KIF1B: variants seen among roughly 807,000 people sequenced by gnomAD.
KIF1B encodes the protein kinesin family member 1B, also known as kinesin-like protein KIF1B.
KIF1B carries 76 observed loss-of-function variants against 241.9 expected under a neutral mutation model. The ratio of observed to expected loss-of-function variants is 0.31; its 90% confidence interval spans 0.26 to 0.38. KIF1B has a LOEUF of 0.38. Ranked by LOEUF, KIF1B falls within the 10% of genes least tolerant of loss-of-function variation. The pLI, the probability that KIF1B is intolerant of heterozygous loss-of-function variation, is 1.00. For missense variants in KIF1B, 1,622 were observed against 2,271.4 expected, an observed-to-expected ratio of 0.71 and a Z score of 5.81; for synonymous variants, 750 against 796.7, an observed-to-expected ratio of 0.94 and a Z score of 0.99.
intron 4 of KIF1B, among the ~76,000 whole-genome samples, chr1:10,259,081 G>A (rs376063330): frequency 6.6e-6 from 1 of 150,706 alleles, no homozygotes; most frequent in Non-Finnish European, 1.5e-5. Flanking sequence ...AGCCTTATTC[G>A]GAGATACTTT....
intron 1 of KIF1B, among the ~76,000 whole-genome samples, chr1:10,214,578 G>A (rs957037422): frequency 8.2e-5 from 12 of 145,888 alleles, no homozygotes; most frequent in African/African-American, 2.3e-4. Flanking sequence ...ATGAGCCACC[G>A]TGCCCTGCCC....
chr1:10,259,393 A>T lies in KIF1B; in HGVS notation c.363+721A>T, dbSNP rs190849368. On this transcript the variant is annotated intron_variant, in intron 4 of 48. Transcript: ENST00000676179. ...GCAGTGGTGTGATCTTGGCTCACTG[A>T]GGCCTTGTCCTCCCAGGCTCAAGTG... Among the ~76,000 whole-genome samples the T allele has an allele frequency of 5.3e-5, 8 of 151,148 alleles. No individual in the cohort carries two copies. In the East Asian group the frequency reaches 1.6e-3, roughly 30 times the overall value.
chr1:10,238,255 C>T (rs960827617), intron 2 of KIF1B, among the ~76,000 whole-genome samples: 6 of 150,564 alleles, frequency 4.0e-5, no homozygotes, highest in Non-Finnish European at 8.9e-5. Context: ...GTGGTGGGCA[C>T]CTGTAATCCC....
intron 27 of KIF1B, among the ~76,000 whole-genome samples, chr1:10,329,057 T>G (rs1382390084): frequency 6.6e-6 from 1 of 152,258 alleles, no homozygotes; most frequent in Non-Finnish European, 1.5e-5. Context: ...TTTTATAGTT[T>G]TCTTTCTTTT....
intron 14 of KIF1B, among the ~76,000 whole-genome samples, chr1:10,281,262 TA>T (rs949981420): frequency 6.6e-6 from 1 of 152,208 alleles, no homozygotes; most frequent in Non-Finnish European, 1.5e-5. Flanking sequence ...GGTTTAAAAA[TA>T]AGCTAATTTT....
chr1:10,372,101 G>A lies in KIF1B; in HGVS notation c.4946+839G>A, dbSNP rs568879563. 7.9e-5 allele frequency among the ~76,000 whole-genome samples: 12 copies of A among 152,246 alleles called. No homozygotes were observed. The East Asian group carries it at 2.3e-3, about 29-fold the overall frequency. ...AACACTGACACAGGCAAAGGTGGCT[G>A]GAGAAAATAACACAACCAGGTAATT... is the stretch of plus-strand genomic sequence containing the variant. On this transcript the variant is annotated intron_variant, in intron 45 of 48. Transcript: ENST00000676179.
chr1:10,225,828 G>A (rs1188535686), intron 1 of KIF1B, among the ~76,000 whole-genome samples: 2 of 152,104 alleles, frequency 1.3e-5, no homozygotes, highest in Admixed American at 1.3e-4. Flanking sequence ...ATGCCATTGT[G>A]GGGAGTTCAG....
intron 2 of KIF1B, among the ~76,000 whole-genome samples, chr1:10,241,232 C>T (rs1647132808): frequency 6.6e-6 from 1 of 151,934 alleles, no homozygotes; most frequent in Non-Finnish European, 1.5e-5. Context: ...CTACCTCACT[C>T]CCCTAGTAGC....
chr1:10,314,211 G>A (rs1024393517), intron 22 of KIF1B, among the ~76,000 whole-genome samples: 3 of 151,330 alleles, frequency 2.0e-5, no homozygotes, highest in African/African-American at 4.9e-5. Context: ...TGTGCCTTCC[G>A]TAATTAGTTT....
At position 10,303,740 on chromosome 1, in the gene KIF1B, T is replaced by C; in HGVS notation, c.2115+6494T>C. ...ATAAAAGTCTTAAGAAATAAAATGC[T>C]CAAAATGGAAAAAGTCTTGCCACTG... On this transcript the variant is annotated intron_variant, in intron 22 of 48. Coordinates refer to ENST00000676179, the MANE Select transcript of KIF1B (RefSeq NM_001365951.3). This position sits in a 1 kb window ranked among gnomAD's most constrained non-coding sequence, Gnocchi z 5.2. 1 of 1,614,106 alleles carries C rather than the reference T, an allele frequency of 6.2e-7. No homozygotes were observed. Among genetic ancestry groups the C allele is most frequent in the Non-Finnish European group, 8.5e-7 (1 of 1,180,024 alleles).
intron 2 of KIF1B, 75 bp downstream of exon 2, chr1:10,232,509 A>C (rs898882052): frequency 5.8e-6 from 6 of 1,039,494 alleles, no homozygotes; most frequent in African/African-American, 1.6e-5. Context: ...TGCTGTGTTC[A>C]GAATAGATGA....
chr1:10,349,044 A>T (rs1652693677), intron 37 of KIF1B, among the ~76,000 whole-genome samples: 1 of 152,196 alleles, frequency 6.6e-6, no homozygotes, highest in Non-Finnish European at 1.5e-5. Flanking sequence ...GAAACTCTGT[A>T]TTCCTGTTTC....
rs1250629834 is a variant in KIF1B at position 10,282,591 on chromosome 1, T to C, written c.1434+58T>C. ...TCTATGTAGCTCCACAAGGAAGAAC[T>C]AGGAGTAAAAATCACTAAGATTTCG... On this transcript the variant is annotated intron_variant, in intron 15 of 48. Transcript: ENST00000676179. 7.1e-6 allele frequency: 10 copies of C among 1,404,366 alleles called. No homozygotes were observed. The Admixed American group carries it at 8.4e-5, about 12-fold the overall frequency. The allele number at this position is 1,404,366 out of a possible 1,614,324, so 87.0% of individuals were successfully genotyped here.
intron 2 of KIF1B, among the ~76,000 whole-genome samples, chr1:10,254,145 A>C (rs1360731053): frequency 1.3e-5 from 2 of 152,238 alleles, no homozygotes; most frequent in Non-Finnish European, 2.9e-5. Context: ...TGTGTGTATG[A>C]GTGAGGGAGA....
At chr1:10,372,594 G>GC (rs1307799085) in intron 45 of KIF1B, among the ~76,000 whole-genome samples, 26 of 146,820 alleles carry the variant, frequency 1.8e-4, no homozygotes, top group Non-Finnish European at 2.7e-4. Context: ...AGGAAGATTG[G>GC]TTGAACCTGG....
Position 10,365,485 on chromosome 1 carries a change from T to C in KIF1B, c.4589T>C (p.Leu1530Ser). The C allele has an allele frequency of 6.2e-7, 1 of 1,614,174 alleles. No individual in the cohort carries two copies. ...ATCCCCAAATCCCTGAGCGACTCGT[T>C]ATCCCCCAGCCTCAGCAGTGGGACC... ...DSIPKSLSDSLSPSLSSGTLS... is the reference protein window; with the variant it reads ...DSIPKSLSDSSSPSLSSGTLS... The change falls in exon 43 of 49, where the codon TTA (leucine) becomes TCA (serine). Residue 1530 changes from leucine (L) to serine (S), a missense_variant. By Grantham distance (145) the Leu-to-Ser change is moderately radical (BLOSUM62 -2). This residue lies in a region of KIF1B where 357 missense variants were observed against 409.0 expected (regional missense o/e 0.87). Coordinates refer to ENST00000676179, the MANE Select transcript of KIF1B (RefSeq NM_001365951.3). The surrounding 1 kb of genome is among the most constrained non-coding windows in gnomAD (Gnocchi z 4.0).
rs1051755896 is a variant in KIF1B at position 10,365,709 on chromosome 1, G to A, written c.4752+61G>A. 1.5e-5 allele frequency: 24 copies of A among 1,607,780 alleles called. No homozygotes were observed. Among genetic ancestry groups the A allele is most frequent in the African/African-American group, 1.1e-4 (8 of 74,814 alleles). On this transcript the variant is annotated intron_variant, in intron 43 of 48. Coordinates refer to ENST00000676179, the MANE Select transcript of KIF1B (RefSeq NM_001365951.3). The surrounding 1 kb of genome is among the most constrained non-coding windows in gnomAD (Gnocchi z 4.0). Reference sequence around the variant, plus strand: ...ACAAGGCTCCACAAACTAGCCTCTCGGTTTATTCATTTTCAACACCTTTGT... The same window carrying A: ...ACAAGGCTCCACAAACTAGCCTCTCAGTTTATTCATTTTCAACACCTTTGT...
At chr1:10,296,496 C>G in intron 19 of KIF1B, 86 bp from the exon 20 acceptor site, 5 of 1,100,516 alleles carry the variant, frequency 4.5e-6, no homozygotes, top group Non-Finnish European at 6.8e-6. Flanking sequence ...ATTCTACTTA[C>G]TGCAAATCCT....
chr1:10,374,299 ATCTC>A lies in KIF1B; in HGVS notation c.4947-13_4947-10del, dbSNP rs1191986983. 2.5e-6 allele frequency: 4 copies of A among 1,612,448 alleles called. No individual in the cohort carries two copies. The highest frequency in any genetic ancestry group is 1.7e-5 in the Admixed American group (1 of 59,974). ...TTCTCTTGTTACCCTTTTCTTTCTA[ATCTC>A]TCTATTTTAAAGGACCCCAGAAGCC... On this transcript the variant is annotated splice_polypyrimidine_tract_variant and intron_variant, in intron 45 of 48. Coordinates refer to ENST00000676179, the MANE Select transcript of KIF1B (RefSeq NM_001365951.3). This position sits in a 1 kb window ranked among gnomAD's most constrained non-coding sequence, Gnocchi z 4.3.
Sources: gnomAD v4.1 joint callset for allele counts (sites outside exome capture counted in the v4.1 genomes callset) on GRCh38, gnomAD v4.1.1 for gene constraint, gnomAD v4.1.1 regional missense constraint, Gnocchi (gnomAD v3.1) non-coding constraint, MANE v1.5 for transcripts, NCBI Gene and HGNC (gene_info 2026-07-23, HGNC 2026-07-21) for gene names.